Variants in NYAP2 observed in about 807,000 individuals in gnomAD.
The protein encoded by NYAP2 is neuronal tyrosine-phosphorylated phosphoinositide-3-kinase adapter 2.
NYAP2 carries 23 observed loss-of-function variants against 50.4 expected under a neutral mutation model. That is an observed-to-expected ratio of 0.46 (90% CI 0.33 to 0.65). The LOEUF is 0.65. Among genes scored for constraint, NYAP2 ranks in the 30% least tolerant of loss-of-function variants. The pLI is 0.02. For synonymous variants in NYAP2, 394 were observed against 365.2 expected (o/e 1.08, Z -0.90); for missense variants, 885 against 861.0 (o/e 1.03, Z -0.35).
intron 4 of NYAP2, among the ~76,000 whole-genome samples, chr2:225,565,029 C>G (rs1364582498): frequency 6.6e-6 from 1 of 151,808 alleles, no homozygotes; most frequent in Non-Finnish European, 1.5e-5. Flanking sequence ...ACTTGGGAGG[C>G]TGAGGCAGGA....
At chr2:225,577,455 A>T (rs945113907) in intron 4 of NYAP2, among the ~76,000 whole-genome samples, 3 of 150,694 alleles carry the variant, frequency 2.0e-5, no homozygotes, top group Non-Finnish European at 3.0e-5. Flanking sequence ...ATTTTAAATA[A>T]TTTTTTTTTT....
At chr2:225,685,576 C>G in the NYAP2 span, among the ~76,000 whole-genome samples, 1 of 152,064 alleles carries the variant, frequency 6.6e-6, no homozygotes, top group East Asian at 1.9e-4. Context: ...GTAGTCATTA[C>G]TAGGTTGAAT....
chr2:225,548,129 C>T (rs960459168), intron 4 of NYAP2, among the ~76,000 whole-genome samples: 2 of 151,750 alleles, frequency 1.3e-5, no homozygotes, highest in Non-Finnish European at 2.9e-5. Context: ...CTAGTAATTA[C>T]TTACCCCACT....
At chr2:225,545,586 T>C (rs1005285105) in intron 4 of NYAP2, among the ~76,000 whole-genome samples, 1 of 152,166 alleles carries the variant, frequency 6.6e-6, no homozygotes, top group South Asian at 2.1e-4. Flanking sequence ...TTCTGAATTT[T>C]TTCTCTGTGT....
intron 3 of NYAP2, among the ~76,000 whole-genome samples, chr2:225,473,108 T>A (rs1041379652): frequency 5.3e-5 from 8 of 152,228 alleles, no homozygotes; most frequent in Non-Finnish European, 1.0e-4. Flanking sequence ...GGTTTCCAGC[T>A]TCATCCATGT....
intron 5 of NYAP2, among the ~76,000 whole-genome samples, chr2:225,587,452 G>C (rs1285850750): frequency 1.3e-5 from 2 of 152,138 alleles, no homozygotes; most frequent in Non-Finnish European, 2.9e-5. Flanking sequence ...CGGGGCAGAA[G>C]GGCATGTGAA....
At position 225,629,222 on chromosome 2, in the gene NYAP2, G is replaced by A. The variant is rs938188165; in HGVS notation, c.1828+2096G>A. On this transcript the variant is annotated intron_variant, in intron 6 of 6. Transcript: ENST00000636099. The stretch of plus-strand genomic sequence containing the variant: ...CTAGAATGCAGATGTCCAAGTGCAA[G>A]AGAAGACAGATGTCCCAGCTCAAGA... Among the ~76,000 whole-genome samples, 6 of 152,324 alleles carry A rather than the reference G, an allele frequency of 3.9e-5. No homozygotes were observed. The East Asian group carries it at 1.2e-3, about 29-fold the overall frequency.
Position 225,582,441 on chromosome 2 carries a change from GC to G in NYAP2, c.1029del (p.Val344CysfsTer29). 2 of 799,242 alleles carry G rather than the reference GC, an allele frequency of 2.5e-6. No homozygotes were observed. The highest frequency in any genetic ancestry group is 3.4e-6 in the Non-Finnish European group (2 of 595,474). The allele number at this position is 799,242 out of a possible 1,614,324, so 49.5% of individuals were successfully genotyped here. ...ACCCCCGCTGCTGGTATTTCCCCCC[GC>G]CCCCGTGCATTGCTCCCCCAACTCC... On this transcript the variant is annotated frameshift_variant, in exon 5 of 7. Coordinates refer to ENST00000636099, the Ensembl canonical transcript of NYAP2. LOFTEE classifies it high-confidence loss of function. This position sits in a 1 kb window ranked among gnomAD's most constrained non-coding sequence, Gnocchi z 7.0.
At chr2:225,576,094 A>G (rs151048561) in intron 4 of NYAP2, among the ~76,000 whole-genome samples, 1 of 152,242 alleles carries the variant, frequency 6.6e-6, no homozygotes. Context: ...ATAAAAATAT[A>G]CTTCAAAGTA....
At chr2:225,536,785 CT>C (rs933565550) in intron 4 of NYAP2, among the ~76,000 whole-genome samples, 101 of 143,618 alleles carry the variant, frequency 7.0e-4, no homozygotes, top group Middle Eastern at 3.6e-3. Context: ...TTTTTTCTTT[CT>C]TTTTTTTTTT....
intron 5 of NYAP2, among the ~76,000 whole-genome samples, chr2:225,609,803 T>G (rs1327154557): frequency 1.3e-5 from 2 of 152,136 alleles, no homozygotes; most frequent in Non-Finnish European, 2.9e-5. Context: ...TATTCGAGAT[T>G]TGGAAAAGGT....
chr2:225,403,679 A>C (rs1694896942), intron 2 of NYAP2, among the ~76,000 whole-genome samples: 8 of 151,924 alleles, frequency 5.3e-5, no homozygotes, highest in Admixed American at 5.3e-4. Context: ...TTTCAGATGG[A>C]GAATAGCTCC....
rs753914641 is a variant in NYAP2 at position 225,626,915 on chromosome 2, A to G, written c.1619-2A>G. 5.1e-6 allele frequency: 8 copies of G among 1,565,122 alleles called. No individual in the cohort carries two copies. The highest frequency in any genetic ancestry group is 6.9e-6 in the Non-Finnish European group (8 of 1,154,168). On this transcript the variant is annotated splice_acceptor_variant, in intron 5 of 6. Coordinates refer to ENST00000636099, the Ensembl canonical transcript of NYAP2. LOFTEE classifies it high-confidence loss of function. ...CAGAATGTAATTCTGGTTACTACACAGAATCAACAGAGGAACTGAAAGTCC... is the reference window on the plus strand; with the variant it reads ...CAGAATGTAATTCTGGTTACTACACGGAATCAACAGAGGAACTGAAAGTCC...
At chr2:225,455,136 TC>T (rs1340212556) in intron 3 of NYAP2, among the ~76,000 whole-genome samples, 1 of 151,978 alleles carries the variant, frequency 6.6e-6, no homozygotes, top group Non-Finnish European at 1.5e-5. Flanking sequence ...AACCACATTA[TC>T]CCCCAGAGTC....
At chr2:225,698,813 C>G in the NYAP2 span, 1 of 151,806 alleles carries the variant, frequency 6.6e-6, no homozygotes, top group African/African-American at 2.4e-5. Flanking sequence ...ACACATTATA[C>G]GTATATAAAT....
chr2:225,538,751 G>A (rs997228172), intron 4 of NYAP2, among the ~76,000 whole-genome samples: 1 of 119,704 alleles, frequency 8.4e-6, no homozygotes, highest in African/African-American at 3.3e-5. Context: ...CAGAAAATGA[G>A]ATTTTCTTTT....
chr2:225,618,085 T>C (rs1693020256), intron 5 of NYAP2, among the ~76,000 whole-genome samples: 1 of 152,192 alleles, frequency 6.6e-6, no homozygotes, highest in Non-Finnish European at 1.5e-5. Context: ...GGCCCATCAA[T>C]GACACAACGT....
chr2:225,646,042 G>A (rs1394189680), intron 6 of NYAP2, among the ~76,000 whole-genome samples: 1 of 152,166 alleles, frequency 6.6e-6, no homozygotes, highest in Non-Finnish European at 1.5e-5. Context: ...GAAAGGCATG[G>A]TTATAATTAG....
intron 3 of NYAP2, among the ~76,000 whole-genome samples, chr2:225,499,260 A>G (rs1690558690): frequency 6.6e-6 from 1 of 152,132 alleles, no homozygotes; most frequent in African/African-American, 2.4e-5. Context: ...AAAGGTATTG[A>G]GAAGAATCTA....
Sources: gnomAD v4.1 joint callset for allele counts (sites outside exome capture counted in the v4.1 genomes callset) on GRCh38, gnomAD v4.1.1 for gene constraint, Gnocchi (gnomAD v3.1) non-coding constraint, MANE v1.5 for transcripts, NCBI Gene and HGNC (gene_info 2026-07-23, HGNC 2026-07-21) for gene names.